Variants in PCSK2 observed in about 807,000 individuals in gnomAD.
PCSK2 encodes the protein proprotein convertase subtilisin/kexin type 2.
PCSK2 carries 14 observed loss-of-function variants against 69.7 expected under a neutral mutation model. The ratio of observed to expected loss-of-function variants is 0.20; its 90% confidence interval spans 0.13 to 0.31. The LOEUF is 0.31. PCSK2 is among the 10% of genes least tolerant of loss of function. The pLI, the probability that PCSK2 is intolerant of heterozygous loss-of-function variation, is 1.00. For synonymous variants in PCSK2, 307 were observed against 320.7 expected, an observed-to-expected ratio of 0.96 and a Z score of 0.46; for missense variants, 544 against 842.5, an observed-to-expected ratio of 0.65 and a Z score of 4.39.
chr20:17,307,872 T>C (rs761572286), intron 2 of PCSK2, among the ~76,000 whole-genome samples: 1 of 151,974 alleles, frequency 6.6e-6, no homozygotes, highest in Non-Finnish European at 1.5e-5. Context: ...AGAAACGAGG[T>C]TTAATTGGCT....
At chr20:17,472,815 C>T (rs1177777534) in intron 11 of PCSK2, among the ~76,000 whole-genome samples, 3 of 152,166 alleles carry the variant, frequency 2.0e-5, no homozygotes, top group Non-Finnish European at 4.4e-5. Context: ...GATCCGCCTG[C>T]CTTGGCCTCC....
chr20:17,479,435 A>G (rs2033351429), intron 11 of PCSK2: 3 of 588,078 alleles, frequency 5.1e-6, no homozygotes, highest in Middle Eastern at 2.7e-4. Flanking sequence ...CCTCCATGGT[A>G]GCGCCTGTTC....
chr20:17,253,516 C>A (rs992842425), intron 1 of PCSK2, among the ~76,000 whole-genome samples: 1 of 152,100 alleles, frequency 6.6e-6, no homozygotes, highest in Non-Finnish European at 1.5e-5. Context: ...AAGGTTCTTC[C>A]GTGTTTTTAC....
At chr20:17,329,885 C>A (rs1330522722) in intron 2 of PCSK2, among the ~76,000 whole-genome samples, 1 of 151,910 alleles carries the variant, frequency 6.6e-6, no homozygotes, top group Admixed American at 6.6e-5. Flanking sequence ...CTCCACACCC[C>A]GGAGGTAATC....
chr20:17,317,868 G>C (rs1414426597), intron 2 of PCSK2, among the ~76,000 whole-genome samples: 1 of 152,168 alleles, frequency 6.6e-6, no homozygotes, highest in African/African-American at 2.4e-5. Flanking sequence ...TGTAGACGCA[G>C]GAAGGACAAT....
chr20:17,330,036 T>TA (rs1307573775), intron 2 of PCSK2, among the ~76,000 whole-genome samples: 2 of 152,220 alleles, frequency 1.3e-5, no homozygotes, highest in African/African-American at 2.4e-5. Flanking sequence ...AATTAAATAA[T>TA]AATATATTTA....
In PCSK2 at chr20:17,260,351, T is replaced by C. The variant is rs373554964; in HGVS notation, c.282+7T>C. ...GCTGGAGAGAGACCCCAGGGTGAGT[T>C]TTCCCCAGAAACCTGCCTCCCAATC... On this transcript the variant is annotated splice_region_variant and intron_variant, in intron 2 of 11. Transcript: ENST00000262545. The C allele has an allele frequency of 1.0e-4, 166 of 1,594,040 alleles. No homozygotes were observed. Among genetic ancestry groups the C allele is most frequent in the Non-Finnish European group, 1.4e-4 (158 of 1,161,934 alleles).
rs570328095 is a variant in PCSK2 at position 17,311,531 on chromosome 20, A to G, written c.283-46796A>G. 1.1e-4 allele frequency among the ~76,000 whole-genome samples: 16 copies of G among 152,164 alleles called. No homozygotes were observed. In the South Asian group the frequency reaches 3.1e-3, roughly 30 times the overall value. On this transcript the variant is annotated intron_variant, in intron 2 of 11. Transcript: ENST00000262545. ...AGATGACTGAATCCAAAAGTGGGTG[A>G]TTTATCATGTCATTCTGGGAGAACA...
At chr20:17,281,590 A>T (rs1298313978) in intron 2 of PCSK2, among the ~76,000 whole-genome samples, 1 of 152,130 alleles carries the variant, frequency 6.6e-6, no homozygotes, top group Non-Finnish European at 1.5e-5. Flanking sequence ...TCTTTATTCT[A>T]ATTAATCTGC....
chr20:17,267,327 G>A (rs145461434), intron 2 of PCSK2, among the ~76,000 whole-genome samples: 8 of 152,318 alleles, frequency 5.3e-5, no homozygotes, highest in African/African-American at 1.9e-4. Flanking sequence ...CCATTCATGA[G>A]TGATGCAAGT....
chr20:17,321,731 G>T (rs997388716), intron 2 of PCSK2, among the ~76,000 whole-genome samples: 3 of 152,102 alleles, frequency 2.0e-5, no homozygotes, highest in African/African-American at 7.2e-5. Context: ...CAGCAGAATT[G>T]TATTACACAT....
intron 5 of PCSK2, among the ~76,000 whole-genome samples, chr20:17,399,980 G>A (rs1328827711): frequency 6.6e-6 from 1 of 152,100 alleles, no homozygotes; most frequent in Admixed American, 6.5e-5. Context: ...CTTCTCATTG[G>A]AGGCATATTT....
chr20:17,226,372 C>T (rs1386868186), upstream of PCSK2: 1 of 152,130 alleles, frequency 6.6e-6, no homozygotes, highest in Non-Finnish European at 1.5e-5. Flanking sequence ...ATGGATCACC[C>T]CTAGAAGGTG....
At chr20:17,302,350 G>A (rs916835088) in intron 2 of PCSK2, among the ~76,000 whole-genome samples, 2 of 151,996 alleles carry the variant, frequency 1.3e-5, no homozygotes, top group East Asian at 3.9e-4. Context: ...CTGGTAAATG[G>A]TCTGAACCAT....
At chr20:17,229,140 T>C (rs2122924081) in intron 1 of PCSK2, among the ~76,000 whole-genome samples, 1 of 152,088 alleles carries the variant, frequency 6.6e-6, no homozygotes, top group Middle Eastern at 3.4e-3. Flanking sequence ...TTACATAGAT[T>C]TTTACTTAAT....
intron 2 of PCSK2, among the ~76,000 whole-genome samples, chr20:17,275,657 T>A (rs1351341046): frequency 6.6e-6 from 1 of 152,162 alleles, no homozygotes; most frequent in Non-Finnish European, 1.5e-5. Context: ...CTCAATCCAA[T>A]GTAAGATTAA....
intron 2 of PCSK2, among the ~76,000 whole-genome samples, chr20:17,265,428 T>C (rs1354576140): frequency 2.6e-5 from 4 of 152,120 alleles, no homozygotes; most frequent in African/African-American, 9.7e-5. Flanking sequence ...GAGAAACATA[T>C]AGAAATTTTC....
intron 2 of PCSK2, among the ~76,000 whole-genome samples, chr20:17,275,549 G>C (rs537930471): frequency 6.6e-6 from 1 of 152,158 alleles, no homozygotes; most frequent in Non-Finnish European, 1.5e-5. Context: ...ATTCAGGCTA[G>C]AGTCTTAAGT....
At chr20:17,333,481 G>A (rs753927601) in intron 2 of PCSK2, among the ~76,000 whole-genome samples, 1 of 152,128 alleles carries the variant, frequency 6.6e-6, no homozygotes, top group Non-Finnish European at 1.5e-5. Flanking sequence ...CTATGGAAAT[G>A]CTGATGGAGC....
Sources: allele counts gnomAD v4.1 joint callset (sites outside exome capture counted in the v4.1 genomes callset), GRCh38; gene constraint gnomAD v4.1.1; transcripts MANE v1.5; gene names NCBI Gene and HGNC (gene_info 2026-07-23, HGNC 2026-07-21).